Variants in KCNN2 observed in about 807,000 individuals in gnomAD.
The protein encoded by KCNN2 is potassium calcium-activated channel subfamily N member 2, also known as small conductance calcium-activated potassium channel protein 2.
Under a neutral mutation model 55.5 loss-of-function variants are expected in KCNN2, and 24 were observed. The ratio of observed to expected loss-of-function variants is 0.43; its 90% CI spans 0.31 to 0.61. KCNN2 has a LOEUF of 0.61. KCNN2 is among the 20% of genes least tolerant of loss of function. KCNN2 has a pLI of 0.08. For missense variants in KCNN2, 754 were observed against 853.6 expected, an observed-to-expected ratio of 0.88 and a Z score of 1.45; for synonymous variants, 431 against 336.1, an observed-to-expected ratio of 1.28 and a Z score of -3.09.
intron 1 of KCNN2, among the ~76,000 whole-genome samples, chr5:114,153,757 G>A (rs1458215479): frequency 2.0e-5 from 3 of 152,168 alleles, no homozygotes; most frequent in Admixed American, 6.6e-5. Context: ...AGGCAGCATC[G>A]CCTTGGCTCT....
intron 2 of KCNN2, among the ~76,000 whole-genome samples, chr5:114,392,408 G>A (rs1400286620): frequency 1.3e-5 from 2 of 152,098 alleles, no homozygotes; most frequent in South Asian, 2.1e-4. Flanking sequence ...TGGCAATTCA[G>A]TGATTAATAC....
chr5:114,232,259 G>C (rs1008047431), intron 2 of KCNN2, among the ~76,000 whole-genome samples: 5 of 150,714 alleles, frequency 3.3e-5, no homozygotes, highest in African/African-American at 9.9e-5. Context: ...GATGAGAACA[G>C]GTCATGAGTC....
At chr5:114,160,833 C>T (rs9687644) in intron 1 of KCNN2, among the ~76,000 whole-genome samples, 8 of 151,634 alleles carry the variant, frequency 5.3e-5, no homozygotes, top group Non-Finnish European at 7.4e-5. Flanking sequence ...CAACCCCTGC[C>T]TTTTTTTGTT....
intron 1 of KCNN2, among the ~76,000 whole-genome samples, chr5:114,115,417 A>C (rs1474746921): frequency 6.6e-6 from 1 of 152,128 alleles, no homozygotes; most frequent in Non-Finnish European, 1.5e-5. Flanking sequence ...TGGGTTAACC[A>C]CTGGAAACCT....
intron 1 of KCNN2, among the ~76,000 whole-genome samples, chr5:114,081,778 G>A (rs1340335746): frequency 6.6e-6 from 1 of 152,110 alleles, no homozygotes; most frequent in African/African-American, 2.4e-5. Context: ...CAGATTTCAT[G>A]AACATTTTAA....
At position 114,258,664 on chromosome 5, in the gene KCNN2, C is replaced by T. The variant is rs149030159; in HGVS notation, c.-185+37099C>T. Reference sequence around the variant, plus strand: ...ATACTATTGAACTCCATGGCCTGATCGGGCAGGAATGTGATCCATTTCCCT... The same window carrying T: ...ATACTATTGAACTCCATGGCCTGATTGGGCAGGAATGTGATCCATTTCCCT... On this transcript the variant is annotated intron_variant, in intron 2 of 10. Coordinates refer to the KCNN2 transcript ENST00000512097. Among the ~76,000 whole-genome samples, 204 of 152,248 alleles carry T rather than the reference C, an allele frequency of 1.3e-3. 5 individuals carry two copies. The East Asian group carries it at 0.02, about 15-fold the overall frequency.
At chr5:114,083,173 C>T (rs1447818414) in intron 1 of KCNN2, among the ~76,000 whole-genome samples, 1 of 151,812 alleles carries the variant, frequency 6.6e-6, no homozygotes, top group South Asian at 2.1e-4. Flanking sequence ...GTAATATCTT[C>T]CTTTTTGTTC....
At chr5:114,344,773 C>T (rs1757078243) in intron 2 of KCNN2, among the ~76,000 whole-genome samples, 1 of 152,114 alleles carries the variant, frequency 6.6e-6, no homozygotes, top group South Asian at 2.1e-4. Context: ...CTTTCTTGGC[C>T]AAGGCTAAAT....
At chr5:114,349,987 C>G (rs1171943067) in intron 2 of KCNN2, among the ~76,000 whole-genome samples, 2 of 151,950 alleles carry the variant, frequency 1.3e-5, no homozygotes, top group Non-Finnish European at 2.9e-5. Context: ...ATTTGCATTT[C>G]TTTAGTGGCC....
chr5:114,306,793 C>CAGATTCAA (rs1174675484), intron 2 of KCNN2, among the ~76,000 whole-genome samples: 1 of 151,498 alleles, frequency 6.6e-6, no homozygotes, highest in African/African-American at 2.4e-5. Flanking sequence ...TTCCGCCTCC[C>CAGATTCAA]AGATTCAAGT....
rs757131464 is a variant in KCNN2, at chr5:114,363,890, TCTGA to T, written c.1123-12_1123-9del. 18 of 1,602,936 alleles carry T rather than the reference TCTGA, an allele frequency of 1.1e-5. No homozygotes were observed. Among genetic ancestry groups the T allele is most frequent in the Admixed American group, 8.3e-5 (5 of 59,956 alleles). ...TGCTTCTTTCTTAAAAGTGCTTCTG[TCTGA>T]CTGTGTTGCAGGCGTCGCTGTATTC... On this transcript the variant is annotated splice_polypyrimidine_tract_variant and intron_variant, in intron 1 of 7. Transcript: ENST00000673685.
At chr5:114,326,840 T>G (rs1407520247) in intron 2 of KCNN2, among the ~76,000 whole-genome samples, 2 of 152,222 alleles carry the variant, frequency 1.3e-5, no homozygotes, top group Non-Finnish European at 2.9e-5. Context: ...AGCAGCCATT[T>G]TTCAGGGATA....
chr5:114,399,040 C>T (rs1279183401), intron 2 of KCNN2, among the ~76,000 whole-genome samples: 1 of 152,148 alleles, frequency 6.6e-6, no homozygotes, highest in Non-Finnish European at 1.5e-5. Flanking sequence ...TTATTTCTTT[C>T]TCTTACATGA....
chr5:114,144,226 A>C (rs1186594513), intron 1 of KCNN2, among the ~76,000 whole-genome samples: 3 of 152,214 alleles, frequency 2.0e-5, no homozygotes, highest in African/African-American at 7.2e-5. Context: ...GAAGTATTCC[A>C]ATCACATTGC....
intron 1 of KCNN2, among the ~76,000 whole-genome samples, chr5:114,181,587 A>G (rs1385601437): frequency 2.6e-5 from 4 of 152,132 alleles, no homozygotes; most frequent in Non-Finnish European, 5.9e-5. Context: ...AAATTTTAAT[A>G]AAGTCTAATT....
chr5:114,289,012 G>A (rs761669789), intron 2 of KCNN2, among the ~76,000 whole-genome samples: 12 of 151,972 alleles, frequency 7.9e-5, no homozygotes, highest in Admixed American at 5.2e-4. Context: ...CCCATCTTGC[G>A]TTAATTTGTG....
intron 3 of KCNN2, among the ~76,000 whole-genome samples, chr5:114,413,146 C>T (rs1208186366): frequency 6.6e-6 from 1 of 152,172 alleles, no homozygotes; most frequent in South Asian, 2.1e-4. Flanking sequence ...ACTTGCAAAA[C>T]ATCAATGCTA....
chr5:114,216,057 T>C (rs1753993933), intron 1 of KCNN2, among the ~76,000 whole-genome samples: 1 of 152,168 alleles, frequency 6.6e-6, no homozygotes, highest in African/African-American at 2.4e-5. Flanking sequence ...TTTCATCTGG[T>C]AAATTTACTT....
rs6872653 is a variant in KCNN2, at chr5:114,293,935, G to C, written c.-184-67010G>C. On this transcript the variant is annotated intron_variant, in intron 2 of 10. Coordinates refer to the KCNN2 transcript ENST00000512097. ...TTCAGTCTTGGGAGGGTGTATGTGT[G>C]GAGGAATTTATCCATTTCTTCTAGA... Among the ~76,000 whole-genome samples, 17 of 152,176 alleles carry C rather than the reference G, an allele frequency of 1.1e-4. No individual in the cohort carries two copies. In the South Asian group the frequency reaches 1.7e-3, roughly 15 times the overall value.
Sources: allele counts gnomAD v4.1 joint callset (sites outside exome capture counted in the v4.1 genomes callset), GRCh38; gene constraint gnomAD v4.1.1; transcripts MANE v1.5; gene names NCBI Gene and HGNC (gene_info 2026-07-23, HGNC 2026-07-21).